The following TACC2 variants were observed in gnomAD, a reference collection of about 807,000 sequenced individuals.
The protein encoded by TACC2 is transforming acidic coiled-coil-containing protein 2.
A neutral mutation model predicts 227.3 loss-of-function variants in TACC2; 137 were observed. The ratio of observed to expected loss-of-function variants is 0.60; its 90% CI spans 0.52 to 0.69. The LOEUF (loss-of-function observed/expected upper bound fraction) is 0.69, where lower values mean the gene tolerates loss of function less well. Ranked by LOEUF, TACC2 falls within the 30% of genes least tolerant of loss-of-function variation. The pLI is 0.00. For synonymous variants in TACC2, 1,523 were observed against 1,487.5 expected (o/e 1.02, Z -0.55); for missense variants, 3,470 against 3,694.4 (o/e 0.94, Z 1.57).
chr10:122,081,387 G>C (rs764383452), intron 3 of TACC2, among the ~76,000 whole-genome samples: 8 of 151,768 alleles, frequency 5.3e-5, no homozygotes, highest in Admixed American at 6.6e-5. Context: ...AATTAGCTGG[G>C]CGTGGTGGCG....
chr10:122,021,229 G>GA lies in TACC2; in HGVS notation c.-45-698dup, dbSNP rs368643121. On this transcript the variant is annotated intron_variant, in intron 1 of 22. Coordinates refer to ENST00000369005, the MANE Select transcript of TACC2 (RefSeq NM_206862.4). Reference sequence around the variant, plus strand: ...GGGCGACAGAGTGAGACTCCATCTCGAAAAAAAAAAGGCGGGGGGGAAGAA... The same window carrying GA: ...GGGCGACAGAGTGAGACTCCATCTCGAAAAAAAAAAAGGCGGGGGGGAAGAA... Among the ~76,000 whole-genome samples, 114 of 139,226 alleles carry GA rather than the reference G, an allele frequency of 8.2e-4. 1 individual carries two copies. The highest frequency in any genetic ancestry group is 1.3e-3 in the African/African-American group (47 of 36,760). The allele number at this position is 139,226 out of a possible 152,430, so 91.3% of individuals were successfully genotyped here.
intron 7 of TACC2, among the ~76,000 whole-genome samples, chr10:122,170,460 G>A (rs969946210): frequency 9.9e-5 from 15 of 151,538 alleles, no homozygotes; most frequent in Non-Finnish European, 2.2e-4. Context: ...TAGTAGAGAC[G>A]GGGTTTTAAT....
Position 122,150,576 on chromosome 10 carries a change from C to G in TACC2, c.5834+6870C>G, listed in dbSNP as rs1182476632. Among the ~76,000 whole-genome samples, 2 of 152,182 alleles carry G rather than the reference C, an allele frequency of 1.3e-5. No individual in the cohort carries two copies. The highest frequency in any genetic ancestry group is 2.9e-5 in the Non-Finnish European group (2 of 68,036). ...TGCAGAAAGAGGGGTGGCCAGGAGA[C>G]GGCTGGTCACAGAGTGCCCCAAAGG... is the stretch of plus-strand genomic sequence containing the variant. On this transcript the variant is annotated intron_variant, in intron 7 of 22. Transcript: ENST00000369005. This position sits in a 1 kb window ranked among gnomAD's most constrained non-coding sequence, Gnocchi z 4.0.
intron 3 of TACC2, among the ~76,000 whole-genome samples, chr10:122,068,808 C>T (rs894164366): frequency 9.3e-5 from 14 of 151,254 alleles, no homozygotes; most frequent in Admixed American, 5.3e-4. Context: ...GGACTACAGA[C>T]GCGCTCCACC....
At chr10:122,028,084 C>CTTTTTTTTTTTTTTTTTTTTT (rs59135261) in intron 2 of TACC2, among the ~76,000 whole-genome samples, 8 of 91,740 alleles carry the variant, frequency 8.7e-5, no homozygotes, top group African/African-American at 1.9e-4. Flanking sequence ...TTCTTTCTTT[C>CTTTTTTTTTTTTTTTTTTTTT]TTTTTTTTTT....
At chr10:122,039,062 G>A (rs964531675) in intron 2 of TACC2, among the ~76,000 whole-genome samples, 1 of 152,172 alleles carries the variant, frequency 6.6e-6, no homozygotes, top group Non-Finnish European at 1.5e-5. Context: ...TGTAACCTCT[G>A]CCTCCTGGGT....
At chr10:122,126,001 T>C (rs2086776857) in intron 5 of TACC2, among the ~76,000 whole-genome samples, 1 of 151,880 alleles carries the variant, frequency 6.6e-6, no homozygotes, top group Non-Finnish European at 1.5e-5. Context: ...ATGATCTCGA[T>C]CTCCTGACCT....
chr10:122,081,072 A>G (rs956993917), intron 3 of TACC2, among the ~76,000 whole-genome samples: 1 of 152,230 alleles, frequency 6.6e-6, no homozygotes, highest in African/African-American at 2.4e-5. Flanking sequence ...TGTAAAAATA[A>G]CAAGAATTGT....
At chr10:122,047,156 G>T (rs538710051) in intron 2 of TACC2, among the ~76,000 whole-genome samples, 102 of 151,540 alleles carry the variant, frequency 6.7e-4, no homozygotes, top group Non-Finnish European at 1.3e-3. Flanking sequence ...GGGTGTGGTG[G>T]TGGGCACCTG....
chr10:122,042,436 T>C (rs1344223710), intron 2 of TACC2, among the ~76,000 whole-genome samples: 2 of 151,980 alleles, frequency 1.3e-5, no homozygotes, highest in Admixed American at 1.3e-4. Flanking sequence ...AGAGATGGGG[T>C]TTCACCATGT....
intron 7 of TACC2, among the ~76,000 whole-genome samples, chr10:122,179,137 C>G (rs1217438988): frequency 2.6e-5 from 4 of 152,170 alleles, no homozygotes; most frequent in Non-Finnish European, 4.4e-5. Context: ...GTTTCAATAC[C>G]TTATCCTGTT....
rs567308602 is a variant in TACC2 at position 122,085,391 on chromosome 10, C to G, written c.2891C>G (p.Pro964Arg). Reference sequence around the variant, plus strand: ...GGTCAGTCCTCGAGGGTCTCGCCTCCAGCAGCAGATGTCTTAAAAGACTTT... The same window carrying G: ...GGTCAGTCCTCGAGGGTCTCGCCTCGAGCAGCAGATGTCTTAAAAGACTTT... Reference protein sequence around the residue: ...GDGQSSRVSPPAADVLKDFSL... With the variant: ...GDGQSSRVSPRAADVLKDFSL... Residue 964 changes from proline (P) to arginine (R), a missense_variant, in exon 4 of 23, where the codon CCA becomes CGA. This residue lies in a region of TACC2 where 1,924 missense variants were observed against 1,978.3 expected (regional missense o/e 0.97). Transcript: ENST00000369005. 2.0e-5 allele frequency: 33 copies of G among 1,614,014 alleles called. No homozygotes were observed. In the African/African-American group the frequency reaches 3.1e-4, roughly 15 times the overall value.
At chr10:122,007,682 G>A (rs1410194072) in intron 1 of TACC2, among the ~76,000 whole-genome samples, 2 of 152,016 alleles carry the variant, frequency 1.3e-5, no homozygotes, top group Non-Finnish European at 2.9e-5. Flanking sequence ...ATTTTGTGAT[G>A]CTCTTTTCTT....
intron 12 of TACC2, among the ~76,000 whole-genome samples, chr10:122,225,584 T>C (rs1481687125): frequency 1.3e-5 from 2 of 152,208 alleles, no homozygotes; most frequent in Admixed American, 1.3e-4. Flanking sequence ...GTGTCCCCAG[T>C]AGCTGAGGCC....
At chr10:122,245,764 C>G (rs988834684) in intron 19 of TACC2, among the ~76,000 whole-genome samples, 2 of 152,106 alleles carry the variant, frequency 1.3e-5, no homozygotes, top group African/African-American at 4.8e-5. Flanking sequence ...GACTCTTCCT[C>G]CTTCTTGGGG....
chr10:122,124,652 T>C (rs7101004), intron 5 of TACC2, among the ~76,000 whole-genome samples: 138,760 of 152,204 alleles, frequency 0.91, 63,536 homozygotes, highest in East Asian at 1. Flanking sequence ...GAGCTCCATG[T>C]GTGCTGGGGA....
At chr10:122,144,312 C>T (rs2091085551) in intron 7 of TACC2, among the ~76,000 whole-genome samples, 1 of 152,174 alleles carries the variant, frequency 6.6e-6, no homozygotes, top group Non-Finnish European at 1.5e-5. Context: ...GAAATTGAGA[C>T]AGGTTGGATC....
Position 122,129,050 on chromosome 10 carries a change from ATCT to A in TACC2, c.5574-3557_5574-3555del, listed in dbSNP as rs2087462502. Among the ~76,000 whole-genome samples, 5 of 115,568 alleles carry A rather than the reference ATCT, an allele frequency of 4.3e-5. No individual in the cohort carries two copies. The South Asian group carries it at 1.0e-3, about 23-fold the overall frequency. The allele number at this position is 115,568 out of a possible 152,430, so 75.8% of individuals were successfully genotyped here. ...TTTGCATCTAGATACATGAAGATCT[ATCT>A]TATTTTAATTATTATTATTATTATT... On this transcript the variant is annotated intron_variant, in intron 5 of 22. Transcript: ENST00000369005.
At chr10:122,169,409 AGTAAACTTTCT>A (rs1381205805) in intron 7 of TACC2, among the ~76,000 whole-genome samples, 1 of 152,248 alleles carries the variant, frequency 6.6e-6, no homozygotes, top group Non-Finnish European at 1.5e-5. Flanking sequence ...TTAAGGGAGC[AGTAAACTTTCT>A]GTAAAAGACC....
Sources: gnomAD v4.1 joint callset for allele counts (sites outside exome capture counted in the v4.1 genomes callset) on GRCh38, gnomAD v4.1.1 for gene constraint, gnomAD v4.1.1 regional missense constraint, Gnocchi (gnomAD v3.1) non-coding constraint, MANE v1.5 for transcripts, NCBI Gene and HGNC (gene_info 2026-07-23, HGNC 2026-07-21) for gene names.